The following STAB2 variants were observed in gnomAD, a reference collection of about 807,000 sequenced individuals.
STAB2 encodes the protein stabilin-2.
In STAB2, 288 loss-of-function variants were observed where a neutral mutation model predicts 338.1. That is an observed-to-expected ratio of 0.85 (90% confidence interval 0.77 to 0.94). The LOEUF (loss-of-function observed/expected upper bound fraction) is 0.94. Among genes scored for constraint, STAB2 ranks in the 40% least tolerant of loss-of-function variants. The pLI is 0.00. For missense variants in STAB2, 3,141 were observed against 3,210.1 expected (o/e 0.98, Z 0.52); for synonymous variants, 1,202 against 1,193.3 (o/e 1.01, Z -0.15).
rs144722346 is a variant in STAB2 at position 103,716,582 on chromosome 12, G to T, written c.4611+694G>T. 2.7e-3 allele frequency among the ~76,000 whole-genome samples: 412 copies of T among 152,282 alleles called. 5 individuals are homozygous for T. The highest frequency in any genetic ancestry group is 9.5e-3 in the African/African-American group (394 of 41,556). On this transcript the variant is annotated intron_variant, in intron 43 of 68. Transcript: ENST00000388887. ...AGCCATCTGGAGACCTCAGTGCCAG[G>T]TCTCTCAATGGGCAGATCAAGCAAG...
intron 46 of STAB2, 38 bp downstream of exon 46, chr12:103,726,201 A>C: frequency 1.2e-6 from 2 of 1,610,280 alleles, no homozygotes; most frequent in Non-Finnish European, 1.7e-6. Flanking sequence ...ATAAGAGTTC[A>C]GCCTAGGCCA....
intron 35 of STAB2, 46 bp downstream of exon 35, chr12:103,703,322 G>A (rs112465042): frequency 1.3e-6 from 2 of 1,591,130 alleles, no homozygotes; most frequent in East Asian, 2.2e-5. Context: ...ATGAATATTG[G>A]CTTTTTTTTA....
At chr12:103,687,800 G>C (rs1449246507) in intron 27 of STAB2, among the ~76,000 whole-genome samples, 1 of 152,206 alleles carries the variant, frequency 6.6e-6, no homozygotes, top group Non-Finnish European at 1.5e-5. Context: ...CAACGGCTCT[G>C]AAAGGGGGCT....
rs1375864023 is a variant in STAB2, at chr12:103,737,777, C to T, written c.5694C>T (p.Ala1898=). 6.2e-7 allele frequency: 1 copy of T among 1,613,740 alleles called. No individual in the cohort carries two copies. The highest frequency in any genetic ancestry group is 8.5e-7 in the Non-Finnish European group (1 of 1,179,972). Reference sequence around the variant, plus strand: ...GTGACACCTTTACTACTTTCGATGCCTCGGTCAGTCCTAAAAACAACAGTG... The same window carrying T: ...GTGACACCTTTACTACTTTCGATGCTTCGGTCAGTCCTAAAAACAACAGTG... ...GRCDTFTTFD[A]SGECGSCVNT... Residue 1898 remains alanine (A), a synonymous_variant, in exon 53 of 69, where the codon GCC becomes GCT. Transcript: ENST00000388887.
At chr12:103,618,739 T>C (rs1450356372) in intron 3 of STAB2, among the ~76,000 whole-genome samples, 3 of 152,194 alleles carry the variant, frequency 2.0e-5, no homozygotes, top group African/African-American at 7.2e-5. Flanking sequence ...AAAGTATGGC[T>C]AAAAATAAGA....
intron 60 of STAB2, 62 bp downstream of exon 60, chr12:103,750,782 C>T: frequency 6.5e-7 from 1 of 1,530,688 alleles, no homozygotes; most frequent in South Asian, 1.2e-5. Flanking sequence ...GGAAGGGACC[C>T]TCAAGGGAAA....
intron 3 of STAB2, among the ~76,000 whole-genome samples, chr12:103,612,602 G>A (rs1257722657): frequency 6.6e-6 from 1 of 152,046 alleles, no homozygotes; most frequent in Non-Finnish European, 1.5e-5. Context: ...CTTTTTTCAA[G>A]GTGTTTAACT....
chr12:103,699,057 T>G, intron 33 of STAB2, 39 bp from the exon 34 acceptor site: 1 of 1,581,132 alleles, frequency 6.3e-7, no homozygotes, highest in Non-Finnish European at 8.6e-7. Flanking sequence ...ACTGTCAGGC[T>G]GATCTCTTGA....
chr12:103,743,221 C>T (rs1261446820), intron 56 of STAB2, among the ~76,000 whole-genome samples: 3 of 151,956 alleles, frequency 2.0e-5, no homozygotes, highest in Admixed American at 1.3e-4. Flanking sequence ...AGGGTTTCTC[C>T]ATGTTGGTCA....
chr12:103,690,659 C>T (rs1593240480), intron 30 of STAB2, 121 bp downstream of exon 30: 2 of 759,462 alleles, frequency 2.6e-6, no homozygotes, highest in East Asian at 5.5e-5. Flanking sequence ...GAACAGAATC[C>T]CTCATGTGGG....
Position 103,662,912 on chromosome 12 carries a change from TAC to T in STAB2, c.1941_1942del (p.Leu648AspfsTer18). ...GATCACTGCCAAAAATGGCCGAATTTACACACTGACAGGAGTTCTCATTCCTC... is the reference window on the plus strand; with the variant it reads ...GATCACTGCCAAAAATGGCCGAATTTACACTGACAGGAGTTCTCATTCCTC... ...IEITAKNGRIYTLTGVLIPPS... is the reference protein window; with the variant it reads ...IEITAKNGRIXTLTGVLIPPS... On this transcript the variant is annotated frameshift_variant, in exon 18 of 69. Transcript: ENST00000388887. LOFTEE classifies it high-confidence loss of function. 1 of 1,614,232 alleles carries T rather than the reference TAC, an allele frequency of 6.2e-7. No homozygotes were observed. The highest frequency in any genetic ancestry group is 8.5e-7 in the Non-Finnish European group (1 of 1,180,032).
At position 103,699,244 on chromosome 12, in the gene STAB2, TA is replaced by T; in HGVS notation, c.3714+21del. Reference sequence around the variant, plus strand: ...AATGACCAGGTACGATCCTTTTATGTAAAACCCCAGCAATGCCACCGAGAAT... The same window carrying T: ...AATGACCAGGTACGATCCTTTTATGTAAACCCCAGCAATGCCACCGAGAAT... On this transcript the variant is annotated intron_variant, in intron 34 of 68. Coordinates refer to ENST00000388887, the MANE Select transcript of STAB2 (RefSeq NM_017564.10). 1 of 1,601,810 alleles carries T rather than the reference TA, an allele frequency of 6.2e-7. No homozygotes were observed.
chr12:103,681,091 G>A lies in STAB2; in HGVS notation c.2806-2114G>A, dbSNP rs535604796. On this transcript the variant is annotated intron_variant, in intron 25 of 68. Coordinates refer to ENST00000388887, the MANE Select transcript of STAB2 (RefSeq NM_017564.10). ...TCCCATGGTCTGGTTGTTCCACAGC[G>A]TCTGAGGGCTGCTTTCCTATTTATC... Among the ~76,000 whole-genome samples, 148 of 152,310 alleles carry A rather than the reference G, an allele frequency of 9.7e-4. 1 individual carries two copies. Among genetic ancestry groups the A allele is most frequent in the African/African-American group, 3.1e-3 (129 of 41,562 alleles).
chr12:103,759,616 A>G (rs1884392295), intron 65 of STAB2, among the ~76,000 whole-genome samples: 1 of 152,192 alleles, frequency 6.6e-6, no homozygotes, highest in Admixed American at 6.5e-5. Context: ...CAGTTCTGCC[A>G]CTTGCTAACT....
intron 5 of STAB2, among the ~76,000 whole-genome samples, chr12:103,623,249 G>A (rs979426355): frequency 2.0e-5 from 3 of 152,264 alleles, no homozygotes; most frequent in South Asian, 4.1e-4. Flanking sequence ...CTCACCTGAG[G>A]GGAAAGGAGC....
intron 61 of STAB2, among the ~76,000 whole-genome samples, chr12:103,754,159 G>A (rs557812250): frequency 6.6e-6 from 1 of 152,122 alleles, no homozygotes; most frequent in South Asian, 2.1e-4. Flanking sequence ...CCTTTACCAA[G>A]GAATAAAGCC....
In STAB2 at chr12:103,758,219, A is replaced by G. The variant is rs1338965533; in HGVS notation, c.7037A>G (p.Glu2346Gly). ...TCAGCTCGAGGCCGTGCATTTCTAG[A>G]ACACCTGACTGACCTGTCCATCCGC... ...NSSARGRAFL[E>G]HLTDLSIRGT... Residue 2346 changes from glutamate (E) to glycine (G), a missense_variant, in exon 64 of 69, where the codon GAA becomes GGA. By Grantham distance (98) the Glu-to-Gly change is moderately conservative. Coordinates refer to ENST00000388887, the MANE Select transcript of STAB2 (RefSeq NM_017564.10). 1 of 1,614,130 alleles carries G rather than the reference A, an allele frequency of 6.2e-7. No homozygotes were observed. The highest frequency in any genetic ancestry group is 1.7e-5 in the Admixed American group (1 of 60,028).
intron 58 of STAB2, among the ~76,000 whole-genome samples, chr12:103,748,400 A>C (rs1005536393): frequency 2.0e-5 from 3 of 152,204 alleles, no homozygotes; most frequent in Admixed American, 2.0e-4. Context: ...TCTAAGAGGC[A>C]GCACAGTGAG....
At position 103,725,016 on chromosome 12, in the gene STAB2, T is replaced by G; in HGVS notation, c.4725T>G (p.Thr1575=). 2 of 1,614,068 alleles carry G rather than the reference T, an allele frequency of 1.2e-6. No homozygotes were observed. The highest frequency in any genetic ancestry group is 1.7e-6 in the Non-Finnish European group (2 of 1,179,948). ...GCSEFAICNH[T]GQVERTCTCK... is the part of the protein sequence containing the mutation. ...GTGAATTTGCCATCTGCAACCACAC[T>G]GGGCAAGTAGAAAGGACTTGTACTT... Residue 1575 remains threonine, a synonymous_variant, in exon 45 of 69, where the codon ACT becomes ACG. Transcript: ENST00000388887.
Sources: gnomAD v4.1 joint callset for allele counts (sites outside exome capture counted in the v4.1 genomes callset) on GRCh38, gnomAD v4.1.1 for gene constraint, MANE v1.5 for transcripts, NCBI Gene and HGNC (gene_info 2026-07-23, HGNC 2026-07-21) for gene names.